Variants in AUTS2 observed in about 807,000 individuals in gnomAD.
AUTS2 encodes autism susceptibility gene 2 protein.
AUTS2 carries 17 observed loss-of-function variants against 112.4 expected under a neutral mutation model. The ratio of observed to expected loss-of-function variants is 0.15; its 90% CI spans 0.10 to 0.23. The LOEUF (loss-of-function observed/expected upper bound fraction) is 0.23, where lower values mean the gene tolerates loss of function less well. AUTS2 is among the 10% of genes least tolerant of loss of function. The probability of loss-of-function intolerance (pLI) is 1.00; values close to 1 mark genes in which losing one functional copy is unlikely to be tolerated. For missense variants in AUTS2, 1,510 were observed against 1,701.6 expected, an observed-to-expected ratio of 0.89 and a Z score of 1.98; for synonymous variants, 751 against 702.7, an observed-to-expected ratio of 1.07 and a Z score of -1.09.
chr7:69,988,304 A>G lies in AUTS2; in HGVS notation c.522+88806A>G, dbSNP rs144834357. Among the ~76,000 whole-genome samples the G allele has an allele frequency of 7.5e-3, 1,148 of 152,208 alleles. 9 individuals are homozygous for G. The highest frequency in any genetic ancestry group is 0.026 in the African/African-American group (1,079 of 41,508). Reference sequence around the variant, plus strand: ...CCCTTTGTTTTTAAGGGGGACTTTGAGTCTATCAAGAGTGTGTGTGTCAGC... The same window carrying G: ...CCCTTTGTTTTTAAGGGGGACTTTGGGTCTATCAAGAGTGTGTGTGTCAGC... On this transcript the variant is annotated intron_variant, in intron 2 of 18. Coordinates refer to ENST00000342771, the MANE Select transcript of AUTS2 (RefSeq NM_015570.4).
chr7:70,589,441 C>T (rs966123446), intron 5 of AUTS2, among the ~76,000 whole-genome samples: 32 of 152,164 alleles, frequency 2.1e-4, no homozygotes, highest in African/African-American at 7.0e-4. Flanking sequence ...TGGCCAGGTG[C>T]GGTGGCTTAC....
At position 70,478,870 on chromosome 7, in the gene AUTS2, A is replaced by G. The variant is rs140007110; in HGVS notation, c.690+43089A>G. On this transcript the variant is annotated intron_variant, in intron 5 of 18. Coordinates refer to ENST00000342771, the MANE Select transcript of AUTS2 (RefSeq NM_015570.4). Reference sequence around the variant, plus strand: ...ATGTACACAGATAATTATTACTTTCATTTGTTTTATTATTTTAATCTACAA... The same window carrying G: ...ATGTACACAGATAATTATTACTTTCGTTTGTTTTATTATTTTAATCTACAA... 6.5e-3 allele frequency among the ~76,000 whole-genome samples: 983 copies of G among 152,208 alleles called. 14 individuals carry two copies. The highest frequency in any genetic ancestry group is 0.023 in the African/African-American group (940 of 41,532).
At chr7:69,955,581 G>A (rs1797180104) in intron 2 of AUTS2, among the ~76,000 whole-genome samples, 1 of 152,196 alleles carries the variant, frequency 6.6e-6, no homozygotes, top group Non-Finnish European at 1.5e-5. Context: ...CTCAGTGGCA[G>A]AGGGCTGGGC....
In AUTS2 at chr7:70,244,653, A is replaced by G. The variant is rs1168242086; in HGVS notation, c.660+110082A>G. ...GTGAATGTTGGCACTACTGGATACAATTGATATGCTTTATGGATTTTTTGT... is the reference window on the plus strand; with the variant it reads ...GTGAATGTTGGCACTACTGGATACAGTTGATATGCTTTATGGATTTTTTGT... On this transcript the variant is annotated intron_variant, in intron 4 of 18. Coordinates refer to ENST00000342771, the MANE Select transcript of AUTS2 (RefSeq NM_015570.4). Among the ~76,000 whole-genome samples the G allele has an allele frequency of 4.6e-5, 7 of 152,166 alleles. No homozygotes were observed. The South Asian group carries it at 8.3e-4, about 18-fold the overall frequency.
chr7:69,617,111 G>A (rs1423038326), intron 1 of AUTS2, among the ~76,000 whole-genome samples: 3 of 151,958 alleles, frequency 2.0e-5, no homozygotes, highest in African/African-American at 7.3e-5. Context: ...TATAAAGCAG[G>A]GTAAAGCAAG....
chr7:70,683,433 A>G (rs1808306330), intron 5 of AUTS2, among the ~76,000 whole-genome samples: 1 of 152,208 alleles, frequency 6.6e-6, no homozygotes, highest in African/African-American at 2.4e-5. Context: ...GGTGTGTAAG[A>G]GTACATCACA....
intron 4 of AUTS2, among the ~76,000 whole-genome samples, chr7:70,347,190 C>T (rs1345490676): frequency 2.0e-5 from 3 of 152,198 alleles, no homozygotes; most frequent in Non-Finnish European, 4.4e-5. Flanking sequence ...CTGAAACTTA[C>T]TTCTTGTATT....
chr7:70,372,648 T>C (rs931849837), intron 4 of AUTS2, among the ~76,000 whole-genome samples: 2 of 150,492 alleles, frequency 1.3e-5, no homozygotes, highest in African/African-American at 2.5e-5. Context: ...GCTTCTTACT[T>C]CCTTTCTTTC....
intron 5 of AUTS2, among the ~76,000 whole-genome samples, chr7:70,608,504 G>A (rs1346127751): frequency 6.6e-6 from 1 of 152,184 alleles, no homozygotes; most frequent in African/African-American, 2.4e-5. Context: ...GACTATTTGA[G>A]ACTAAAATGC....
chr7:70,791,221 A>G lies in AUTS2; in HGVS notation c.*225A>G, dbSNP rs1791934478. The G allele has an allele frequency of 1.5e-5, 6 of 412,234 alleles. No homozygotes were observed. Among genetic ancestry groups the G allele is most frequent in the South Asian group, 1.3e-4 (1 of 7,672 alleles). 25.5% of individuals were successfully genotyped at this position (412,234 alleles called of 1,614,324 possible). A position where few individuals can be genotyped will look rare whatever the true frequency, so the allele number is the denominator to read the frequency against. ...CCAGTCATATGTTCTCACGTCTCCT[A>G]CTTTTTGTTTCTCGTATAAAACTTT... is the stretch of plus-strand genomic sequence containing the variant. On this transcript the variant is annotated 3_prime_UTR_variant, in exon 19 of 19. Coordinates refer to ENST00000342771, the MANE Select transcript of AUTS2 (RefSeq NM_015570.4).
At chr7:69,955,216 G>C (rs941197011) in intron 2 of AUTS2, among the ~76,000 whole-genome samples, 20 of 152,152 alleles carry the variant, frequency 1.3e-4, no homozygotes, top group African/African-American at 4.8e-4. Context: ...GGAGGGTGCT[G>C]TTAAGGTTTC....
chr7:70,321,286 A>C (rs1790240972), intron 4 of AUTS2, among the ~76,000 whole-genome samples: 1 of 152,206 alleles, frequency 6.6e-6, no homozygotes, highest in African/African-American at 2.4e-5. Flanking sequence ...TTTCCTTAAT[A>C]TAGAATGTCC....
At chr7:70,294,115 A>G (rs1050451664) in intron 4 of AUTS2, 38 of 152,230 alleles carry the variant, frequency 2.5e-4, no homozygotes, top group African/African-American at 6.8e-4. Context: ...TGCAGAACCT[A>G]CCTGAAAATG....
intron 4 of AUTS2, among the ~76,000 whole-genome samples, chr7:70,351,787 C>T (rs931883827): frequency 2.9e-4 from 44 of 151,126 alleles, no homozygotes; most frequent in African/African-American, 9.5e-4. Flanking sequence ...CTGCAAACTC[C>T]GCCTCCCAGG....
intron 1 of AUTS2, among the ~76,000 whole-genome samples, chr7:69,708,643 T>C (rs1798172725): frequency 6.6e-6 from 1 of 152,214 alleles, no homozygotes; most frequent in Admixed American, 6.5e-5. Flanking sequence ...ATAAATTAGG[T>C]CAGAGTTAGT....
chr7:70,586,964 A>T (rs576376028), intron 5 of AUTS2, among the ~76,000 whole-genome samples: 1 of 152,308 alleles, frequency 6.6e-6, no homozygotes, highest in East Asian at 1.9e-4. Context: ...TGGAATCTCC[A>T]TTTGAGTAGT....
intron 3 of AUTS2, among the ~76,000 whole-genome samples, chr7:70,129,032 T>C (rs1025051590): frequency 3.3e-5 from 5 of 152,178 alleles, no homozygotes; most frequent in Non-Finnish European, 7.3e-5. Context: ...AATTATGTCA[T>C]TGTATTAGAC....
chr7:70,443,593 A>G (rs944586382), intron 5 of AUTS2, among the ~76,000 whole-genome samples: 5 of 152,224 alleles, frequency 3.3e-5, no homozygotes, highest in Admixed American at 2.0e-4. Context: ...GAGAATAAAC[A>G]TATAGGGGAC....
intron 3 of AUTS2, among the ~76,000 whole-genome samples, chr7:70,120,910 C>T (rs1419585378): frequency 6.6e-6 from 1 of 152,062 alleles, no homozygotes; most frequent in Non-Finnish European, 1.5e-5. Context: ...GGAAAAAGAG[C>T]AAAGTTAGAG....
Sources: gnomAD v4.1 joint callset for allele counts (sites outside exome capture counted in the v4.1 genomes callset) on GRCh38, gnomAD v4.1.1 for gene constraint, MANE v1.5 for transcripts, NCBI Gene and HGNC (gene_info 2026-07-23, HGNC 2026-07-21) for gene names.